ZRANB1: variants seen among roughly 807,000 people sequenced by gnomAD.
The protein encoded by ZRANB1 is zinc finger RANBP2-type containing 1.
A neutral mutation model predicts 80.5 loss-of-function variants in ZRANB1; 16 were observed. The observed-to-expected ratio is 0.20, with a 90% confidence interval of 0.13 to 0.30. The LOEUF (loss-of-function observed/expected upper bound fraction) is 0.30, where lower values mean the gene tolerates loss of function less well. ZRANB1 is among the 10% of genes least tolerant of loss of function. The pLI is 1.00. For synonymous variants in ZRANB1, 291 were observed against 293.1 expected (o/e 0.99, Z 0.07); for missense variants, 576 against 862.6 (o/e 0.67, Z 4.16).
the ZRANB1 span, among the ~76,000 whole-genome samples, chr10:124,929,343 C>CT: frequency 0.084 from 11,815 of 140,754 alleles, 624 homozygotes; most frequent in Admixed American, 0.16. Context: ...GGCACAGATT[C>CT]TTTTTTTTTT....
In ZRANB1 at chr10:124,986,364, T is replaced by TAA. The variant is rs1182688959; in HGVS notation, c.*1374_*1375dup. The TAA allele has an allele frequency of 9.2e-5, 14 of 152,164 alleles. No individual in the cohort carries two copies. The East Asian group carries it at 2.5e-3, about 28-fold the overall frequency. The allele number at this position is 152,164 out of a possible 1,614,324, so 9.4% of individuals were successfully genotyped here. ...GTGATGAAAAAGGCTGTGAAAACCT[T>TAA]AAAGTATTTGCTTGCTTCTTGTTTT... On this transcript the variant is annotated 3_prime_UTR_variant, in exon 9 of 9. Coordinates refer to ENST00000359653, the MANE Select transcript of ZRANB1 (RefSeq NM_017580.3).
At chr10:124,922,647 C>T in the ZRANB1 span, among the ~76,000 whole-genome samples, 1 of 151,354 alleles carries the variant, frequency 6.6e-6, no homozygotes, top group African/African-American at 2.4e-5. Flanking sequence ...CACGTGCCAC[C>T]ATGCCCAGCT....
At chr10:124,917,880 T>C in the ZRANB1 span, among the ~76,000 whole-genome samples, 2 of 152,172 alleles carry the variant, frequency 1.3e-5, no homozygotes, top group African/African-American at 4.8e-5. Flanking sequence ...TTTTCTCTGC[T>C]ATGGTTTGGT....
At chr10:124,922,130 A>G in the ZRANB1 span, among the ~76,000 whole-genome samples, 2 of 151,218 alleles carry the variant, frequency 1.3e-5, no homozygotes, top group South Asian at 4.2e-4. Flanking sequence ...TTTTGTAGAG[A>G]CAAGATCTCT....
intron 8 of ZRANB1, among the ~76,000 whole-genome samples, chr10:124,984,094 T>C (rs1951971775): frequency 6.6e-6 from 1 of 151,564 alleles, no homozygotes; most frequent in Non-Finnish European, 1.5e-5. Context: ...AGGATAGGGA[T>C]GGGGGGGAGT....
intron 1 of ZRANB1, among the ~76,000 whole-genome samples, chr10:124,949,561 G>A (rs1451504827): frequency 2.4e-5 from 3 of 127,222 alleles, no homozygotes; most frequent in Non-Finnish European, 4.8e-5. Flanking sequence ...TTGCTCTGTT[G>A]CCCATGCTGG....
chr10:124,965,126 CT>C, intron 1 of ZRANB1, among the ~76,000 whole-genome samples: 1 of 152,228 alleles, frequency 6.6e-6, no homozygotes, highest in Non-Finnish European at 1.5e-5. Context: ...CTTGATTAAG[CT>C]TTAGCTTTGA....
the ZRANB1 span, among the ~76,000 whole-genome samples, chr10:124,922,111 A>T: frequency 6.6e-6 from 1 of 151,488 alleles, no homozygotes; most frequent in East Asian, 1.9e-4. Context: ...CTGGCTTTTT[A>T]AAAAAATTTT....
At chr10:124,973,965 A>T (rs564532724) in intron 4 of ZRANB1, among the ~76,000 whole-genome samples, 11 of 152,340 alleles carry the variant, frequency 7.2e-5, no homozygotes, top group African/African-American at 2.6e-4. Flanking sequence ...TCTATATGAA[A>T]CACTTTTTAG....
intron 1 of ZRANB1, among the ~76,000 whole-genome samples, chr10:124,956,491 C>T (rs530920025): frequency 6.6e-6 from 1 of 152,160 alleles, no homozygotes; most frequent in African/African-American, 2.4e-5. Flanking sequence ...TTTTTTGAGA[C>T]GGAGTCTTGC....
Position 124,943,058 on chromosome 10 carries a change from G to A in ZRANB1, c.565G>A (p.Glu189Lys). The change falls in exon 1 of 9, where the codon GAA (glutamate) becomes AAA (lysine). Residue 189 changes from glutamate (E) to lysine (K), a missense_variant. By Grantham distance (56) the Glu-to-Lys change is moderately conservative (BLOSUM62 1). Around this residue, in one of 3 missense-constraint regions of ZRANB1, gnomAD observed 411 missense variants for 583.1 expected, o/e 0.70. Coordinates refer to ENST00000359653, the MANE Select transcript of ZRANB1 (RefSeq NM_017580.3). ...TGAAGCAATAGAATTGGCAGAGACT[G>A]AAGAGGCTTCTTCAATAATAAATGA... The part of the protein sequence containing the change: ...NIEAIELAET[E>K]EASSIINEQD... The A allele has an allele frequency of 1.2e-6, 2 of 1,614,232 alleles. No individual in the cohort carries two copies. Among genetic ancestry groups the A allele is most frequent in the Non-Finnish European group, 1.7e-6 (2 of 1,180,044 alleles).
the ZRANB1 span, among the ~76,000 whole-genome samples, chr10:124,933,615 C>T: frequency 6.6e-6 from 1 of 152,166 alleles, no homozygotes; most frequent in African/African-American, 2.4e-5. Flanking sequence ...AGCACAGGGA[C>T]AGTGTTTTGT....
intron 1 of ZRANB1, among the ~76,000 whole-genome samples, chr10:124,949,474 T>C (rs111254693): frequency 1.7e-4 from 23 of 137,354 alleles, no homozygotes; most frequent in African/African-American, 7.6e-4. Flanking sequence ...TACACACACA[T>C]ATATGTATAT....
At chr10:124,959,106 A>G (rs1951709626) in intron 1 of ZRANB1, among the ~76,000 whole-genome samples, 1 of 152,230 alleles carries the variant, frequency 6.6e-6, no homozygotes, top group African/African-American at 2.4e-5. Flanking sequence ...TTATAGGGCA[A>G]ATAGAATTTA....
chr10:124,969,215 T>C (rs1951800630), intron 2 of ZRANB1, among the ~76,000 whole-genome samples: 1 of 152,218 alleles, frequency 6.6e-6, no homozygotes, highest in African/African-American at 2.4e-5. Flanking sequence ...CAGTGTCTTT[T>C]ATAAATTGAT....
Position 124,983,779 on chromosome 10 carries a change from A to T in ZRANB1, c.1908+91A>T. 4 of 886,324 alleles carry T rather than the reference A, an allele frequency of 4.5e-6. No homozygotes were observed. The highest frequency in any genetic ancestry group is 6.9e-6 in the Non-Finnish European group (4 of 582,710). The allele number at this position is 886,324 out of a possible 1,614,324, so 54.9% of individuals were successfully genotyped here. A position where few individuals can be genotyped will look rare whatever the true frequency, so the allele number is the denominator to read the frequency against. On this transcript the variant is annotated intron_variant, in intron 8 of 8. Transcript: ENST00000359653. The surrounding 1 kb of genome is among the most constrained non-coding windows in gnomAD (Gnocchi z 6.2). ...TTTCAGGTGTGGTTTTATCTGCACT[A>T]TCACTTAATTTCTGAATGTGATGGT... is the stretch of plus-strand genomic sequence containing the variant.
intron 1 of ZRANB1, among the ~76,000 whole-genome samples, chr10:124,947,821 C>T (rs1951597527): frequency 6.6e-6 from 1 of 152,104 alleles, no homozygotes; most frequent in African/African-American, 2.4e-5. Flanking sequence ...GTACTCTGAC[C>T]ACTTCTCACT....
Position 124,943,318 on chromosome 10 carries a change from G to C in ZRANB1, c.814+11G>C. 1 of 1,599,858 alleles carries C rather than the reference G, an allele frequency of 6.3e-7. No homozygotes were observed. Among genetic ancestry groups the C allele is most frequent in the East Asian group, 2.2e-5 (1 of 44,712 alleles). On this transcript the variant is annotated intron_variant, in intron 1 of 8. Coordinates refer to ENST00000359653, the MANE Select transcript of ZRANB1 (RefSeq NM_017580.3). ...TCAATGCTTGTGTGGGTAAGTTTCT[G>C]TATTCTGCATTTTTTGCGTGGGATG...
chr10:124,964,760 T>G (rs1426290035), intron 1 of ZRANB1, among the ~76,000 whole-genome samples: 2 of 152,198 alleles, frequency 1.3e-5, no homozygotes, highest in Non-Finnish European at 1.5e-5. Context: ...AAAAGGTGCC[T>G]TGATGCTATG....
Sources: allele counts gnomAD v4.1 joint callset (sites outside exome capture counted in the v4.1 genomes callset), GRCh38; gene constraint gnomAD v4.1.1; regional missense constraint gnomAD v4.1.1; non-coding constraint Gnocchi (gnomAD v3.1); transcripts MANE v1.5; gene names NCBI Gene and HGNC (gene_info 2026-07-23, HGNC 2026-07-21).